The following SLC36A4 variants were observed in gnomAD, a reference collection of about 807,000 sequenced individuals.
SLC36A4 encodes the protein neutral amino acid uniporter 4.
SLC36A4 carries 49 observed loss-of-function variants against 50.5 expected under a neutral mutation model. That is an observed-to-expected ratio of 0.97 (90% CI 0.77 to 1.23). SLC36A4 has a LOEUF of 1.23. Among genes scored for constraint, SLC36A4 ranks in the 50% most tolerant of loss-of-function variants. The pLI, the probability that SLC36A4 is intolerant of heterozygous loss-of-function variation, is 0.00. For synonymous variants in SLC36A4, 207 were observed against 206.5 expected (o/e 1.00, Z -0.02); for missense variants, 611 against 608.4 (o/e 1.00, Z -0.05).
chr11:93,185,717 G>A lies in SLC36A4; in HGVS notation c.153C>T (p.Tyr51=), dbSNP rs1056018062. 3 of 1,596,328 alleles carry A rather than the reference G, an allele frequency of 1.9e-6. No homozygotes were observed. Among genetic ancestry groups the A allele is most frequent in the Non-Finnish European group, 1.7e-6 (2 of 1,175,126 alleles). Residue 51 remains tyrosine (Y), a synonymous_variant, in exon 2 of 11, where the codon TAC becomes TAT. Transcript: ENST00000326402. ...AAATGCCCTCTTGATCATCAAGTTG[G>A]TAATGCTTCTGAACAGGCAGAAGCT... is the stretch of plus-strand genomic sequence containing the variant. ...EQELLPVQKH[Y]QLDDQEGISF...
At chr11:93,197,733 C>T (rs1296330304) in intron 1 of SLC36A4, 45 bp downstream of exon 1, 3 of 1,568,654 alleles carry the variant, frequency 1.9e-6, no homozygotes, top group Middle Eastern at 1.7e-4. Flanking sequence ...CGCACAGACC[C>T]CCGCCCACGT....
chr11:93,180,819 A>G lies in SLC36A4; in HGVS notation c.518T>C (p.Phe173Ser), dbSNP rs1861700151. ...QLGFCSVYIV[F>S]LAENVKQVHE... ...CACTTGTTTCACATTTTCAGCTAAG[A>G]AGACAATATAAACACTACAGAATCC... Residue 173 changes from phenylalanine to serine, a missense_variant, in exon 6 of 11, where the codon TTC (phenylalanine) becomes TCC (serine). Phe to Ser is a radical substitution (Grantham distance 155). Transcript: ENST00000326402. 2 of 1,612,316 alleles carry G rather than the reference A, an allele frequency of 1.2e-6. No homozygotes were observed. Among genetic ancestry groups the G allele is most frequent in the Non-Finnish European group, 8.5e-7 (1 of 1,179,024 alleles).
At chr11:93,190,990 G>C (rs909576841) in intron 1 of SLC36A4, among the ~76,000 whole-genome samples, 1 of 152,134 alleles carries the variant, frequency 6.6e-6, no homozygotes, top group African/African-American at 2.4e-5. Context: ...ATATCAACTT[G>C]AATGATATAA....
intron 6 of SLC36A4, among the ~76,000 whole-genome samples, chr11:93,169,775 G>A (rs2134664223): frequency 6.6e-6 from 1 of 152,058 alleles, no homozygotes; most frequent in African/African-American, 2.4e-5. Flanking sequence ...AAACAAAATT[G>A]GGGATTTACA....
intron 3 of SLC36A4, 108 bp from the exon 4 acceptor site, chr11:93,183,002 A>G: frequency 1.4e-6 from 1 of 736,194 alleles, no homozygotes; most frequent in South Asian, 2.0e-5. Flanking sequence ...ATATTTGTTG[A>G]GCAAAATGAT....
chr11:93,178,101 G>A (rs887867429), intron 6 of SLC36A4, among the ~76,000 whole-genome samples: 8 of 152,160 alleles, frequency 5.3e-5, no homozygotes, highest in Admixed American at 1.3e-4. Flanking sequence ...CCTCGCTGCC[G>A]CCTTGCAGTT....
Position 93,182,881 on chromosome 11 carries a change from C to T in SLC36A4, c.284G>A (p.Ser95Asn), listed in dbSNP as rs772010810. The change falls in exon 4 of 11, where the codon AGC becomes AAC. Residue 95 changes from serine (S) to asparagine (N), a missense_variant. Ser to Asn is a conservative substitution (Grantham distance 46). Transcript: ENST00000326402. ...AGAAATAATTCCTATAAACACAAGG[C>T]TGATTGGTCCAAGCTGTGGGGAAAA... Reference protein sequence around the residue: ...KNAGIVLGPISLVFIGIISVH... With the variant: ...KNAGIVLGPINLVFIGIISVH... The T allele has an allele frequency of 6.2e-7, 1 of 1,610,708 alleles. No individual in the cohort carries two copies. Among genetic ancestry groups the T allele is most frequent in the South Asian group, 1.1e-5 (1 of 90,560 alleles).
intron 1 of SLC36A4, among the ~76,000 whole-genome samples, chr11:93,186,875 C>T (rs1238887967): frequency 2.6e-5 from 4 of 152,118 alleles, no homozygotes. Flanking sequence ...TAATGGACTC[C>T]ATCCCAAAGT....
chr11:93,167,910 G>C, intron 7 of SLC36A4, 34 bp downstream of exon 7: 1 of 1,414,712 alleles, frequency 7.1e-7, no homozygotes, highest in East Asian at 2.3e-5. Context: ...ACATAAGAAA[G>C]ATAAGAACTT....
chr11:93,185,466 C>G, intron 2 of SLC36A4: 1 of 350,404 alleles, frequency 2.9e-6, no homozygotes, highest in Non-Finnish European at 5.1e-6. Context: ...TCCCTTCTTT[C>G]AAGATCCCTA....
intron 3 of SLC36A4, among the ~76,000 whole-genome samples, chr11:93,183,176 T>A (rs1861812211): frequency 6.6e-6 from 1 of 152,162 alleles, no homozygotes; most frequent in East Asian, 1.9e-4. Context: ...ATATTTAACA[T>A]CAGATGGCAA....
intron 1 of SLC36A4, among the ~76,000 whole-genome samples, chr11:93,190,105 A>G (rs1862150852): frequency 6.6e-6 from 1 of 152,148 alleles, no homozygotes; most frequent in African/African-American, 2.4e-5. Flanking sequence ...ACTTTTCCTT[A>G]CTTCTTAAAG....
At chr11:93,172,221 C>A (rs1861180077) in intron 6 of SLC36A4, among the ~76,000 whole-genome samples, 1 of 152,090 alleles carries the variant, frequency 6.6e-6, no homozygotes, top group African/African-American at 2.4e-5. Context: ...ACACTAATCT[C>A]TTGACACCAT....
At chr11:93,195,748 T>C (rs1331860415) in intron 1 of SLC36A4, among the ~76,000 whole-genome samples, 1 of 152,194 alleles carries the variant, frequency 6.6e-6, no homozygotes, top group East Asian at 1.9e-4. Flanking sequence ...ATTCCTTTAG[T>C]TATTCTTTCT....
rs572648599 is a variant in SLC36A4, at chr11:93,184,943, C to T, written c.180-423G>A. Among the ~76,000 whole-genome samples the T allele has an allele frequency of 3.9e-5, 6 of 152,138 alleles. No homozygotes were observed. The South Asian group carries it at 1.2e-3, about 32-fold the overall frequency. On this transcript the variant is annotated intron_variant, in intron 2 of 10. Transcript: ENST00000326402. ...TAACACAGCAATGTATTGACACTAC[C>T]TATGTAACCATGATACTAAACACAT...
chr11:93,154,104 T>G lies in SLC36A4; in HGVS notation c.1207+4A>C. On this transcript the variant is annotated splice_donor_region_variant and intron_variant, in intron 10 of 10. Transcript: ENST00000326402. ...TTATGATATAAATATATAATGATAC[T>G]TACAAGTAATACTAACCAAGAAGGA... 1 of 1,393,630 alleles carries G rather than the reference T, an allele frequency of 7.2e-7. No individual in the cohort carries two copies. The highest frequency in any genetic ancestry group is 9.6e-7 in the Non-Finnish European group (1 of 1,037,108). The allele number at this position is 1,393,630 out of a possible 1,614,324, so 86.3% of individuals were successfully genotyped here.
Position 93,151,895 on chromosome 11 carries a change from AT to A in SLC36A4, c.1207+2212del, listed in dbSNP as rs555851390. On this transcript the variant is annotated intron_variant, in intron 10 of 10. Transcript: ENST00000326402. Reference sequence around the variant, plus strand: ...TAGTACAGGTTTACTCTTAAAAGGTATTTATGTCCATGGTGACCTTTGGCTG... The same window carrying A: ...TAGTACAGGTTTACTCTTAAAAGGTATTATGTCCATGGTGACCTTTGGCTG... Among the ~76,000 whole-genome samples, 512 of 152,086 alleles carry A rather than the reference AT, an allele frequency of 3.4e-3. 5 individuals are homozygous for A. The highest frequency in any genetic ancestry group is 0.012 in the African/African-American group (497 of 41,508).
intron 7 of SLC36A4, chr11:93,166,567 AAT>A (rs1860877087): frequency 4.9e-6 from 1 of 204,946 alleles, no homozygotes; most frequent in Non-Finnish European, 8.6e-6. Flanking sequence ...TTATTATTTG[AAT>A]ATATATGTCC....
chr11:93,186,903 TG>T (rs1862006353), intron 1 of SLC36A4, among the ~76,000 whole-genome samples: 1 of 152,170 alleles, frequency 6.6e-6, no homozygotes, highest in South Asian at 2.1e-4. Flanking sequence ...TCAGTAAGTC[TG>T]GGGTGGGCCT....
Sources: gnomAD v4.1 joint callset for allele counts (sites outside exome capture counted in the v4.1 genomes callset) on GRCh38, gnomAD v4.1.1 for gene constraint, MANE v1.5 for transcripts, NCBI Gene and HGNC (gene_info 2026-07-23, HGNC 2026-07-21) for gene names.